Variants in BRINP3 observed in about 807,000 individuals in gnomAD.
BRINP3 encodes BMP/retinoic acid inducible neural specific 3, also known as BMP/retinoic acid-inducible neural-specific protein 3.
A neutral mutation model predicts 71.0 loss-of-function variants in BRINP3; 19 were observed. That is an observed-to-expected ratio of 0.27 (90% CI 0.19 to 0.39). The LOEUF (loss-of-function observed/expected upper bound fraction) is 0.39, where lower values mean the gene tolerates loss of function less well. Ranked by LOEUF, BRINP3 falls within the 10% of genes least tolerant of loss-of-function variation. BRINP3 has a pLI of 1.00. For synonymous variants in BRINP3, 380 were observed against 337.7 expected (o/e 1.13, Z -1.37); for missense variants, 959 against 940.8 (o/e 1.02, Z -0.25).
At chr1:190,377,980 A>G (rs1259160903) in intron 2 of BRINP3, among the ~76,000 whole-genome samples, 1 of 152,150 alleles carries the variant, frequency 6.6e-6, no homozygotes, top group Non-Finnish European at 1.5e-5. Flanking sequence ...CAATATATCC[A>G]TATCAAATAC....
At chr1:190,376,631 A>T (rs1204694952) in intron 2 of BRINP3, among the ~76,000 whole-genome samples, 3 of 152,088 alleles carry the variant, frequency 2.0e-5, no homozygotes, top group Non-Finnish European at 4.4e-5. Context: ...ACTAGAAAAC[A>T]AATACAAAGT....
chr1:190,360,922 T>C (rs781050300), intron 2 of BRINP3, among the ~76,000 whole-genome samples: 36 of 152,102 alleles, frequency 2.4e-4, no homozygotes, highest in Non-Finnish European at 3.7e-4. Context: ...GGGGCATCAA[T>C]AAAGACATAT....
chr1:190,233,516 A>C (rs1185745146), intron 5 of BRINP3, among the ~76,000 whole-genome samples: 1 of 152,174 alleles, frequency 6.6e-6, no homozygotes, highest in Non-Finnish European at 1.5e-5. Flanking sequence ...AGTTAAGGGA[A>C]AAAATGGTAG....
At chr1:190,129,320 TA>T (rs1654343520) in intron 7 of BRINP3, among the ~76,000 whole-genome samples, 1 of 151,864 alleles carries the variant, frequency 6.6e-6, no homozygotes, top group Non-Finnish European at 1.5e-5. Context: ...GAAACAGAGT[TA>T]TCTTTTAAAA....
intron 7 of BRINP3, among the ~76,000 whole-genome samples, chr1:190,144,581 T>G (rs1437694449): frequency 2.0e-5 from 3 of 152,192 alleles, no homozygotes; most frequent in African/African-American, 4.8e-5. Flanking sequence ...TGTATAATTT[T>G]TGTTAAAGTT....
chr1:190,437,126 TA>T (rs918369461), intron 2 of BRINP3, among the ~76,000 whole-genome samples: 1 of 151,764 alleles, frequency 6.6e-6, no homozygotes, highest in African/African-American at 2.4e-5. Flanking sequence ...CATTAAAAAG[TA>T]AATGACTTCA....
At chr1:190,252,840 G>T (rs1336586799) in intron 4 of BRINP3, among the ~76,000 whole-genome samples, 1 of 151,832 alleles carries the variant, frequency 6.6e-6, no homozygotes, top group East Asian at 1.9e-4. Context: ...ATGCAGGTTT[G>T]TTACTTAGGT....
chr1:190,250,201 T>TC (rs1660004379), intron 4 of BRINP3, among the ~76,000 whole-genome samples: 1 of 151,916 alleles, frequency 6.6e-6, no homozygotes, highest in South Asian at 2.1e-4. Context: ...CTTGAGCTCC[T>TC]CTTAAGCAGC....
intron 7 of BRINP3, among the ~76,000 whole-genome samples, chr1:190,134,398 G>T (rs551798591): frequency 6.6e-6 from 1 of 152,124 alleles, no homozygotes; most frequent in South Asian, 2.1e-4. Context: ...TAAGAAACAG[G>T]TTTAGATTTT....
intron 6 of BRINP3, among the ~76,000 whole-genome samples, chr1:190,220,324 T>A (rs1364325922): frequency 6.6e-6 from 1 of 151,906 alleles, no homozygotes; most frequent in African/African-American, 2.4e-5. Flanking sequence ...TTCTCAATCA[T>A]ATGTGGGAGT....
chr1:190,324,631 A>G (rs1177348527), intron 2 of BRINP3, among the ~76,000 whole-genome samples: 5 of 151,952 alleles, frequency 3.3e-5, no homozygotes, highest in African/African-American at 1.2e-4. Context: ...AAAATTATTT[A>G]AATGGTTTTA....
chr1:190,374,532 T>C (rs1670066364), intron 2 of BRINP3, among the ~76,000 whole-genome samples: 1 of 148,966 alleles, frequency 6.7e-6, no homozygotes, highest in Non-Finnish European at 1.5e-5. Flanking sequence ...TAATATGATT[T>C]AAACTTGGCA....
At chr1:190,432,708 G>T (rs1021965884) in intron 2 of BRINP3, among the ~76,000 whole-genome samples, 1 of 152,136 alleles carries the variant, frequency 6.6e-6, no homozygotes, top group Admixed American at 6.6e-5. Context: ...CTGTTTTCAT[G>T]TTTCTCAGCT....
At position 190,278,654 on chromosome 1, in the gene BRINP3, C is replaced by CA. The variant is rs200677480; in HGVS notation, c.427+2905dup. Among the ~76,000 whole-genome samples the CA allele has an allele frequency of 6.5e-3, 992 of 151,452 alleles. 6 individuals are homozygous for CA. The highest frequency in any genetic ancestry group is 0.021 in the African/African-American group (881 of 41,400). On this transcript the variant is annotated intron_variant, in intron 3 of 7. Coordinates refer to ENST00000367462, the MANE Select transcript of BRINP3 (RefSeq NM_199051.3). ...TTTGAGAAGAAAAATAATTCCAGCACAAAAAACTATGAAAACTCAATCCAA... is the reference window on the plus strand; with the variant it reads ...TTTGAGAAGAAAAATAATTCCAGCACAAAAAAACTATGAAAACTCAATCCAA...
chr1:190,122,561 T>C (rs1023028279), intron 7 of BRINP3, among the ~76,000 whole-genome samples: 3 of 106,614 alleles, frequency 2.8e-5, no homozygotes, highest in African/African-American at 1.0e-4. Flanking sequence ...CCCTAGAACC[T>C]TCAGAGGGTA....
At position 190,304,483 on chromosome 1, in the gene BRINP3, T is replaced by C. The variant is rs558196232; in HGVS notation, c.237-22733A>G. 2.0e-5 allele frequency among the ~76,000 whole-genome samples: 3 copies of C among 151,934 alleles called. No individual in the cohort carries two copies. The East Asian group carries it at 5.8e-4, about 29-fold the overall frequency. ...GCTCAGAAATAAATCCATGTAGTTATAGCCAACTGATTTTTAACAAAGGTG... is the reference window on the plus strand; with the variant it reads ...GCTCAGAAATAAATCCATGTAGTTACAGCCAACTGATTTTTAACAAAGGTG... On this transcript the variant is annotated intron_variant, in intron 2 of 7. Coordinates refer to ENST00000367462, the MANE Select transcript of BRINP3 (RefSeq NM_199051.3).
In BRINP3 at chr1:190,097,846, A is replaced by G. The variant is rs552205865; in HGVS notation, c.*172T>C. On this transcript the variant is annotated 3_prime_UTR_variant, in exon 8 of 8. Coordinates refer to ENST00000367462, the MANE Select transcript of BRINP3 (RefSeq NM_199051.3). ...CATTCATAAACCAAAACTGCTGTAT[A>G]ATATATTCATTGTCAGCAAGTTCAT... is the stretch of plus-strand genomic sequence containing the variant. 4.4e-6 allele frequency: 3 copies of G among 682,234 alleles called. No homozygotes were observed. The highest frequency in any genetic ancestry group is 3.6e-5 in the African/African-American group (2 of 55,622). 42.3% of individuals were successfully genotyped at this position (682,234 alleles called of 1,614,324 possible). A position where few individuals can be genotyped will look rare whatever the true frequency, so the allele number is the denominator to read the frequency against.
intron 6 of BRINP3, among the ~76,000 whole-genome samples, chr1:190,225,012 C>G (rs183367572): frequency 3.9e-4 from 59 of 151,768 alleles, no homozygotes; most frequent in Admixed American, 9.9e-4. Context: ...AAAGGGGAAC[C>G]CTTCTACACT....
intron 4 of BRINP3, among the ~76,000 whole-genome samples, chr1:190,251,438 G>A (rs879805396): frequency 6.6e-6 from 1 of 151,740 alleles, no homozygotes; most frequent in African/African-American, 2.4e-5. Flanking sequence ...TGAGCAAAAC[G>A]ACACAATCAA....
Sources: gnomAD v4.1 joint callset for allele counts (sites outside exome capture counted in the v4.1 genomes callset) on GRCh38, gnomAD v4.1.1 for gene constraint, MANE v1.5 for transcripts, NCBI Gene and HGNC (gene_info 2026-07-23, HGNC 2026-07-21) for gene names.